KCNIP4: variants seen among roughly 807,000 people sequenced by gnomAD.
KCNIP4 encodes potassium voltage-gated channel interacting protein 4.
KCNIP4 carries 12 observed loss-of-function variants against 34.0 expected under a neutral mutation model. The observed-to-expected ratio is 0.35, with a 90% CI of 0.23 to 0.57. The LOEUF (loss-of-function observed/expected upper bound fraction) is 0.57. Ranked by LOEUF, KCNIP4 falls within the 20% of genes least tolerant of loss-of-function variation. The probability of loss-of-function intolerance (pLI) is 0.83; values close to 1 mark genes in which losing one functional copy is unlikely to be tolerated. For missense variants in KCNIP4, 238 were observed against 311.7 expected, an observed-to-expected ratio of 0.76 and a Z score of 1.78; for synonymous variants, 124 against 102.2, an observed-to-expected ratio of 1.21 and a Z score of -1.29.
At chr4:21,807,453 G>A (rs1377646191) in intron 1 of KCNIP4, among the ~76,000 whole-genome samples, 1 of 152,308 alleles carries the variant, frequency 6.6e-6, no homozygotes, top group Middle Eastern at 3.4e-3. Context: ...AGGATGAGGG[G>A]TCACTCAATC....
intron 1 of KCNIP4, among the ~76,000 whole-genome samples, chr4:20,921,479 G>T (rs1252574476): frequency 7.0e-6 from 1 of 143,002 alleles, no homozygotes; most frequent in East Asian, 2.0e-4. Flanking sequence ...AGTCAGTTGA[G>T]TAAGGTCACA....
At chr4:21,724,235 C>T (rs775153573) in intron 1 of KCNIP4, among the ~76,000 whole-genome samples, 1 of 151,996 alleles carries the variant, frequency 6.6e-6, no homozygotes, top group Non-Finnish European at 1.5e-5. Flanking sequence ...GAGGTACAGA[C>T]TAAGAGAATG....
chr4:21,676,784 T>C (rs931566761), intron 1 of KCNIP4, among the ~76,000 whole-genome samples: 1 of 152,200 alleles, frequency 6.6e-6, no homozygotes, highest in Admixed American at 6.5e-5. Flanking sequence ...AAATATATGT[T>C]ATGAAGCAAA....
rs1448916030 is a variant in KCNIP4 at position 21,199,193 on chromosome 4, TG to T, written c.62-316485del. 2.0e-5 allele frequency among the ~76,000 whole-genome samples: 3 copies of T among 152,210 alleles called. No homozygotes were observed. The East Asian group carries it at 5.8e-4, about 29-fold the overall frequency. On this transcript the variant is annotated intron_variant, in intron 1 of 8. Transcript: ENST00000382152. ...AACTAATTTACAGTGCTACCGACAG[TG>T]TAAAAGTGTTCCTATTTCTCCACAT...
intron 1 of KCNIP4, among the ~76,000 whole-genome samples, chr4:21,523,665 G>A (rs1735729575): frequency 6.6e-6 from 1 of 151,880 alleles, no homozygotes; most frequent in Admixed American, 6.6e-5. Context: ...TCAAACTCTT[G>A]AGCTCAAGTG....
chr4:21,046,714 T>G (rs11938040), intron 1 of KCNIP4, among the ~76,000 whole-genome samples: 1 of 151,794 alleles, frequency 6.6e-6, no homozygotes, highest in African/African-American at 2.4e-5. Flanking sequence ...GCCTTGGCCC[T>G]GCAAGTAGCT....
chr4:20,787,349 G>A (rs1166937462), intron 3 of KCNIP4, among the ~76,000 whole-genome samples: 1 of 152,076 alleles, frequency 6.6e-6, no homozygotes, highest in East Asian at 1.9e-4. Flanking sequence ...GTTTATTTGA[G>A]CACTTTGGAG....
chr4:21,317,136 G>A (rs1294547839), intron 1 of KCNIP4, among the ~76,000 whole-genome samples: 1 of 152,134 alleles, frequency 6.6e-6, no homozygotes, highest in Non-Finnish European at 1.5e-5. Flanking sequence ...CTTGCCATTA[G>A]CAAAGGGAAA....
intron 1 of KCNIP4, among the ~76,000 whole-genome samples, chr4:21,169,246 G>A (rs1753836684): frequency 6.6e-6 from 1 of 152,014 alleles, no homozygotes. Flanking sequence ...TTGACCTCCT[G>A]GGCTCAAGTG....
chr4:21,166,818 A>T (rs1273425267), intron 1 of KCNIP4, among the ~76,000 whole-genome samples: 3 of 151,784 alleles, frequency 2.0e-5, no homozygotes, highest in Non-Finnish European at 4.4e-5. Flanking sequence ...AGGTGCCTCT[A>T]ATCCCAGCTA....
At chr4:21,186,097 T>C (rs1284262210) in intron 1 of KCNIP4, among the ~76,000 whole-genome samples, 4 of 152,172 alleles carry the variant, frequency 2.6e-5, no homozygotes, top group Non-Finnish European at 5.9e-5. Flanking sequence ...GACTTTCTGA[T>C]CATGTGTCCA....
chr4:21,900,873 T>C (rs1331697735), intron 1 of KCNIP4, among the ~76,000 whole-genome samples: 1 of 152,064 alleles, frequency 6.6e-6, no homozygotes, highest in African/African-American at 2.4e-5. Flanking sequence ...CTTTAATGAC[T>C]ACAACAGTTC....
At chr4:20,742,038 A>G (rs10027896) in intron 5 of KCNIP4, among the ~76,000 whole-genome samples, 49,908 of 152,052 alleles carry the variant, frequency 0.33, 8,699 homozygotes, top group African/African-American at 0.43. Flanking sequence ...GAATCCCTGA[A>G]TAGACCAATA....
intron 1 of KCNIP4, among the ~76,000 whole-genome samples, chr4:21,194,898 A>AT (rs1003635072): frequency 2.6e-5 from 4 of 152,198 alleles, no homozygotes; most frequent in Non-Finnish European, 4.4e-5. Context: ...TAGAGCAGCC[A>AT]TTTTTTTCTT....
At chr4:21,428,755 C>T (rs1726147734) in intron 1 of KCNIP4, among the ~76,000 whole-genome samples, 2 of 152,102 alleles carry the variant, frequency 1.3e-5, no homozygotes, top group African/African-American at 2.4e-5. Context: ...TTAGCTAAGC[C>T]TGTACAATAA....
At chr4:21,530,400 T>G (rs1022036712) in intron 1 of KCNIP4, among the ~76,000 whole-genome samples, 3 of 152,200 alleles carry the variant, frequency 2.0e-5, no homozygotes, top group African/African-American at 7.2e-5. Context: ...GGTGAGTAGT[T>G]GTCTTTAAAG....
chr4:21,090,124 G>T (rs576239046), intron 1 of KCNIP4, among the ~76,000 whole-genome samples: 1 of 152,080 alleles, frequency 6.6e-6, no homozygotes, highest in Admixed American at 6.6e-5. Flanking sequence ...TGCCCATGCC[G>T]TTAGAATTTT....
chr4:21,175,064 C>T (rs905085572), intron 1 of KCNIP4, among the ~76,000 whole-genome samples: 7 of 151,892 alleles, frequency 4.6e-5, no homozygotes, highest in African/African-American at 1.7e-4. Flanking sequence ...ATGTCTCCCT[C>T]AGCTTGACTA....
At chr4:21,938,527 T>C (rs933802559) in intron 1 of KCNIP4, among the ~76,000 whole-genome samples, 4 of 152,292 alleles carry the variant, frequency 2.6e-5, no homozygotes, top group East Asian at 1.9e-4. Context: ...GTATTATACA[T>C]GATTCTGTAT....
Sources: gnomAD v4.1 joint callset for allele counts (sites outside exome capture counted in the v4.1 genomes callset) on GRCh38, gnomAD v4.1.1 for gene constraint, MANE v1.5 for transcripts, NCBI Gene and HGNC (gene_info 2026-07-23, HGNC 2026-07-21) for gene names.